CDH18: variants seen among roughly 807,000 people sequenced by gnomAD.
CDH18 encodes cadherin-18.
Under a neutral mutation model 67.9 loss-of-function variants are expected in CDH18, and 31 were observed. That is an observed-to-expected ratio of 0.46 (90% CI 0.34 to 0.62). CDH18 has a LOEUF of 0.62. Ranked by LOEUF, CDH18 falls within the 20% of genes least tolerant of loss-of-function variation. The probability of loss-of-function intolerance (pLI) is 0.01; values close to 1 mark genes in which losing one functional copy is unlikely to be tolerated. For missense variants in CDH18, 890 were observed against 975.5 expected (o/e 0.91, Z 1.17); for synonymous variants, 362 against 347.2 (o/e 1.04, Z -0.48).
chr5:20,296,082 G>A (rs150727937), intron 1 of CDH18, among the ~76,000 whole-genome samples: 2,601 of 151,302 alleles, frequency 0.017, 43 homozygotes, highest in Non-Finnish European at 0.029. Context: ...CGCCACGTTG[G>A]CCAGCCTGGT....
intron 1 of CDH18, among the ~76,000 whole-genome samples, chr5:20,388,035 T>G (rs1368901699): frequency 3.3e-5 from 5 of 152,056 alleles, no homozygotes; most frequent in South Asian, 2.1e-4. Flanking sequence ...TCTCTTTTTT[T>G]GTTGTGTCTC....
chr5:19,778,810 C>T (rs1394870231), intron 3 of CDH18, among the ~76,000 whole-genome samples: 19 of 152,172 alleles, frequency 1.2e-4, no homozygotes. Flanking sequence ...AGCCCATCTC[C>T]TCATGCTGAT....
Position 19,512,398 on chromosome 5 carries a change from G to A in CDH18, c.1512+8259C>T, listed in dbSNP as rs182199696. The stretch of plus-strand genomic sequence containing the variant: ...GATATTTTTAATTTACCAATTTTTA[G>A]ATCTCTGAGTAATCTAAAAATCATG... On this transcript the variant is annotated intron_variant, in intron 10 of 12. Transcript: ENST00000382275. Among the ~76,000 whole-genome samples the A allele has an allele frequency of 1.6e-3, 249 of 152,028 alleles. 1 individual carries two copies. Among genetic ancestry groups the A allele is most frequent in the Middle Eastern group, 0.01 (3 of 294 alleles).
At chr5:19,993,584 C>T (rs1800099298) in intron 2 of CDH18, among the ~76,000 whole-genome samples, 1 of 152,006 alleles carries the variant, frequency 6.6e-6, no homozygotes, top group Non-Finnish European at 1.5e-5. Flanking sequence ...TACACCTATT[C>T]CTTGCTTTTT....
intron 1 of CDH18, among the ~76,000 whole-genome samples, chr5:20,517,480 T>C (rs1755451123): frequency 6.6e-6 from 1 of 151,872 alleles, no homozygotes; most frequent in Non-Finnish European, 1.5e-5. Context: ...TATTACTTAA[T>C]TTCCTTGACC....
At chr5:20,384,485 T>C (rs1473381439) in intron 1 of CDH18, among the ~76,000 whole-genome samples, 1 of 152,234 alleles carries the variant, frequency 6.6e-6, no homozygotes, top group Non-Finnish European at 1.5e-5. Flanking sequence ...TCCACTCATC[T>C]GTTGTTGGAT....
chr5:20,379,250 G>A (rs911420546), intron 1 of CDH18, among the ~76,000 whole-genome samples: 1 of 152,080 alleles, frequency 6.6e-6, no homozygotes, highest in African/African-American at 2.4e-5. Flanking sequence ...TTTGACAATT[G>A]TCATGTATAG....
intron 2 of CDH18, among the ~76,000 whole-genome samples, chr5:20,012,174 T>C (rs539470894): frequency 6.6e-6 from 1 of 152,066 alleles, no homozygotes; most frequent in African/African-American, 2.4e-5. Flanking sequence ...GGAGGGTGTA[T>C]ATATCTAGGA....
At chr5:20,554,883 A>G (rs551017756) in intron 1 of CDH18, among the ~76,000 whole-genome samples, 1 of 152,318 alleles carries the variant, frequency 6.6e-6, no homozygotes, top group East Asian at 1.9e-4. Flanking sequence ...GAAGAGACTC[A>G]ATAGAGAAGC....
At chr5:20,550,801 CG>C (rs1469967321) in intron 1 of CDH18, among the ~76,000 whole-genome samples, 1 of 152,116 alleles carries the variant, frequency 6.6e-6, no homozygotes, top group African/African-American at 2.4e-5. Flanking sequence ...TATTTTGGCT[CG>C]TGGTTCTGAA....
intron 2 of CDH18, among the ~76,000 whole-genome samples, chr5:20,170,233 T>C (rs957621145): frequency 7.3e-5 from 11 of 151,694 alleles, no homozygotes; most frequent in African/African-American, 2.7e-4. Context: ...TGTATCAATG[T>C]GTTCTCATTG....
chr5:19,598,560 C>A (rs11950666), intron 6 of CDH18, among the ~76,000 whole-genome samples: 17,430 of 151,870 alleles, frequency 0.11, 1,336 homozygotes, highest in Non-Finnish European at 0.16. Flanking sequence ...TGTAACACTC[C>A]CCATTTGCTG....
At chr5:19,626,090 C>T (rs563256441) in intron 5 of CDH18, among the ~76,000 whole-genome samples, 1 of 152,264 alleles carries the variant, frequency 6.6e-6, no homozygotes, top group African/African-American at 2.4e-5. Flanking sequence ...AAACCCATAA[C>T]TCCAAAGAAG....
At chr5:19,869,104 T>C (rs1470566921) in intron 2 of CDH18, among the ~76,000 whole-genome samples, 1 of 152,198 alleles carries the variant, frequency 6.6e-6, no homozygotes, top group Non-Finnish European at 1.5e-5. Flanking sequence ...GTTTAATTTA[T>C]TGTACTGTGC....
chr5:20,517,225 T>C (rs1755432621), intron 1 of CDH18, among the ~76,000 whole-genome samples: 1 of 151,748 alleles, frequency 6.6e-6, no homozygotes, highest in Non-Finnish European at 1.5e-5. Flanking sequence ...TACTAAATTT[T>C]AAATCATGAA....
intron 1 of CDH18, among the ~76,000 whole-genome samples, chr5:20,450,998 C>T (rs997750683): frequency 3.3e-5 from 5 of 152,144 alleles, no homozygotes; most frequent in Non-Finnish European, 7.4e-5. Flanking sequence ...ATGAGAACAG[C>T]TTGGGAAAGA....
At chr5:19,982,958 C>T (rs961146225) in intron 1 of CDH18, among the ~76,000 whole-genome samples, 7 of 142,546 alleles carry the variant, frequency 4.9e-5, no homozygotes, top group African/African-American at 1.0e-4. Context: ...GCAGGAGAAT[C>T]GCTTGAACCT....
chr5:19,554,640 T>C (rs1738067299), intron 8 of CDH18, among the ~76,000 whole-genome samples: 1 of 151,672 alleles, frequency 6.6e-6, no homozygotes, highest in Admixed American at 6.6e-5. Flanking sequence ...ATCTATAGAG[T>C]ATCACTAAGC....
chr5:20,204,374 A>G (rs1441545551), intron 2 of CDH18, among the ~76,000 whole-genome samples: 1 of 151,768 alleles, frequency 6.6e-6, no homozygotes, highest in Non-Finnish European at 1.5e-5. Flanking sequence ...AAAAAGTGCC[A>G]TACAAAAGTA....
Sources: allele counts gnomAD v4.1 joint callset (sites outside exome capture counted in the v4.1 genomes callset), GRCh38; gene constraint gnomAD v4.1.1; transcripts MANE v1.5; gene names NCBI Gene and HGNC (gene_info 2026-07-23, HGNC 2026-07-21).